The following ITGB5 variants were observed in gnomAD, a reference collection of about 807,000 sequenced individuals.
ITGB5 encodes integrin beta-5.
A neutral mutation model predicts 84.8 loss-of-function variants in ITGB5; 38 were observed. That is an observed-to-expected ratio of 0.45 (90% CI 0.35 to 0.59). The LOEUF (loss-of-function observed/expected upper bound fraction) is 0.59, where lower values mean the gene tolerates loss of function less well. ITGB5 is among the 20% of genes least tolerant of loss of function. ITGB5 has a pLI of 0.01. For missense variants in ITGB5, 905 were observed against 1,034.5 expected (o/e 0.87, Z 1.72); for synonymous variants, 393 against 414.4 (o/e 0.95, Z 0.63).
intron 10 of ITGB5, chr3:124,781,292 C>T (rs2064001926): frequency 6.6e-6 from 1 of 152,226 alleles, no homozygotes; most frequent in African/African-American, 2.4e-5. Flanking sequence ...GGAAATCCCT[C>T]CTAAGAAGCG....
rs768746664 is a variant in ITGB5 at position 124,873,548 on chromosome 3, A to G, written c.71-17T>C. On this transcript the variant is annotated splice_polypyrimidine_tract_variant and intron_variant, in intron 1 of 14. Coordinates refer to ENST00000296181, the MANE Select transcript of ITGB5 (RefSeq NM_002213.5). The stretch of plus-strand genomic sequence containing the variant: ...TGTTGAGACCTTTAAAGCAAGATAA[A>G]GATGCACTAATTAGTTCCTGGCTAT... The G allele has an allele frequency of 1.9e-6, 3 of 1,568,098 alleles. No individual in the cohort carries two copies. The highest frequency in any genetic ancestry group is 8.8e-7 in the Non-Finnish European group (1 of 1,137,968).
intron 1 of ITGB5, among the ~76,000 whole-genome samples, chr3:124,900,344 T>C (rs1448391762): frequency 6.6e-6 from 1 of 152,198 alleles, no homozygotes. Flanking sequence ...TTAAAGGGGT[T>C]AATATGTGTG....
chr3:124,784,792 G>A (rs765423756), intron 10 of ITGB5, among the ~76,000 whole-genome samples: 28 of 152,322 alleles, frequency 1.8e-4, no homozygotes, highest in Non-Finnish European at 4.0e-4. Context: ...AGGCACTTCT[G>A]GGGAAATGCC....
intron 1 of ITGB5, among the ~76,000 whole-genome samples, chr3:124,886,139 G>A (rs916322734): frequency 6.6e-6 from 1 of 152,206 alleles, no homozygotes; most frequent in Non-Finnish European, 1.5e-5. Flanking sequence ...CCACCGCAGC[G>A]TCGGGCTAAG....
In ITGB5 at chr3:124,796,461, A is replaced by G. The variant is rs1803825; in HGVS notation, c.1620T>C (p.Phe540=). 371,092 of 1,613,832 alleles carry G rather than the reference A, an allele frequency of 0.23. 46,785 individuals are homozygous for G. Among genetic ancestry groups the G allele is most frequent in the African/African-American group, 0.43 (32,294 of 74,952 alleles). ...CNQCSCFESE[F]GKIYGPFCEC... ...CACAGAAAGGCCCATAGATCTTGCC[A>G]AACTCGCTCTCGAAGCAGGAGCACT... Residue 540 remains phenylalanine (F), a synonymous_variant, in exon 10 of 15, where the codon TTT becomes TTC. Transcript: ENST00000296181.
chr3:124,773,610 C>A, intron 11 of ITGB5, 80 bp downstream of exon 11: 1 of 1,353,012 alleles, frequency 7.4e-7, no homozygotes, highest in South Asian at 1.3e-5. Flanking sequence ...TGGAGGCTAG[C>A]CGGCCCTGAG....
At chr3:124,858,849 G>A (rs2065255715) in intron 3 of ITGB5, among the ~76,000 whole-genome samples, 1 of 152,230 alleles carries the variant, frequency 6.6e-6, no homozygotes, top group African/African-American at 2.4e-5. Flanking sequence ...AAGGGAAAGA[G>A]AGAATGAGGA....
chr3:124,790,584 A>G (rs113432179), intron 10 of ITGB5, among the ~76,000 whole-genome samples: 4,292 of 152,126 alleles, frequency 0.028, 66 homozygotes, highest in African/African-American at 0.049. Context: ...AATTGCCTTT[A>G]ACTAGACAGG....
Position 124,817,674 on chromosome 3 carries a change from T to C in ITGB5, c.1075A>G (p.Ile359Val), listed in dbSNP as rs1167722894. 1.3e-6 allele frequency: 2 copies of C among 1,592,896 alleles called. No individual in the cohort carries two copies. The highest frequency in any genetic ancestry group is 3.6e-5 in the Admixed American group (2 of 54,938). The change falls in exon 8 of 15, where the codon ATT becomes GTT. Residue 359 changes from isoleucine to valine, a missense_variant. Ile to Val is a conservative substitution (Grantham distance 29). Around this residue, in one of 3 missense-constraint regions of ITGB5, gnomAD observed 656 missense variants for 734.7 expected, o/e 0.89. Coordinates refer to ENST00000296181, the MANE Select transcript of ITGB5 (RefSeq NM_002213.5). ...TALIPGTTVE[I>V]LDGDSKNIIQ... ...ATATTTTTGGAGTCTCCATCTAAAA[T>C]CTCCACCGTTGTTCCAGGTATCAGG...
intron 3 of ITGB5, 101 bp downstream of exon 3, chr3:124,859,141 C>A (rs1384474697): frequency 2.6e-6 from 3 of 1,152,758 alleles, no homozygotes; most frequent in Non-Finnish European, 2.5e-6. Context: ...TGGCTCTGAT[C>A]TCAGCCTGGC....
At chr3:124,881,852 C>T (rs1934583093) in intron 1 of ITGB5, among the ~76,000 whole-genome samples, 1 of 152,118 alleles carries the variant, frequency 6.6e-6, no homozygotes, top group South Asian at 2.1e-4. Context: ...CCTGTAATCC[C>T]AGCTACTCGG....
At chr3:124,792,682 A>G (rs2064165568) in intron 10 of ITGB5, 1 of 152,152 alleles carries the variant, frequency 6.6e-6, no homozygotes. Context: ...GGCATCGTTG[A>G]TCTAGGAGCC....
intron 2 of ITGB5, among the ~76,000 whole-genome samples, chr3:124,872,333 C>T (rs73860432): frequency 0.03 from 4,607 of 152,254 alleles, 233 homozygotes; most frequent in African/African-American, 0.11. Context: ...AGTTATTTTA[C>T]TGCTCTGAGT....
intron 10 of ITGB5, chr3:124,791,174 C>T (rs1233027458): frequency 6.6e-6 from 1 of 152,206 alleles, no homozygotes; most frequent in Non-Finnish European, 1.5e-5. Context: ...TCCTGCTTCT[C>T]ATATTCTATG....
intron 5 of ITGB5, among the ~76,000 whole-genome samples, chr3:124,826,134 G>A (rs2064781959): frequency 6.6e-6 from 1 of 152,178 alleles, no homozygotes; most frequent in Non-Finnish European, 1.5e-5. Context: ...ATGTGGTTGT[G>A]GTTGGGACTG....
chr3:124,809,243 G>A lies in ITGB5; in HGVS notation c.1129-87C>T, dbSNP rs1361882639. ...ACACTGGTTTTCTGAGGCCCACGTG[G>A]CTTCCTCTAACTCAGGAATCCCAAG... On this transcript the variant is annotated intron_variant, in intron 8 of 14. Coordinates refer to ENST00000296181, the MANE Select transcript of ITGB5 (RefSeq NM_002213.5). The A allele has an allele frequency of 3.4e-6, 5 of 1,465,764 alleles. No individual in the cohort carries two copies. In the Admixed American group the frequency reaches 5.4e-5, roughly 16 times the overall value. 90.8% of individuals were successfully genotyped at this position (1,465,764 alleles called of 1,614,324 possible). A position where few individuals can be genotyped will look rare whatever the true frequency, so the allele number is the denominator to read the frequency against.
chr3:124,859,172 T>A, intron 3 of ITGB5, 70 bp downstream of exon 3: 1 of 1,442,282 alleles, frequency 6.9e-7, no homozygotes, highest in Non-Finnish European at 9.6e-7. Flanking sequence ...GTCCCATTAT[T>A]AACAAGTCCC....
In ITGB5 at chr3:124,826,932, C is replaced by T. The variant is rs528474967; in HGVS notation, c.781-5458G>A. Reference sequence around the variant, plus strand: ...GAGTCAGGACATGCTCGTTCATCACCCAGGCTTTCAGGCTTGGAGGCTTTA... The same window carrying T: ...GAGTCAGGACATGCTCGTTCATCACTCAGGCTTTCAGGCTTGGAGGCTTTA... On this transcript the variant is annotated intron_variant, in intron 5 of 14. Coordinates refer to ENST00000296181, the MANE Select transcript of ITGB5 (RefSeq NM_002213.5). Among the ~76,000 whole-genome samples the T allele has an allele frequency of 7.9e-5, 12 of 152,266 alleles. No homozygotes were observed. The East Asian group carries it at 1.5e-3, about 20-fold the overall frequency.
intron 10 of ITGB5, among the ~76,000 whole-genome samples, chr3:124,787,169 G>C (rs535354782): frequency 6.6e-6 from 1 of 152,114 alleles, no homozygotes; most frequent in Non-Finnish European, 1.5e-5. Context: ...TCCTCGCCAC[G>C]GGGTTCTGTT....
Sources: gnomAD v4.1 joint callset for allele counts (sites outside exome capture counted in the v4.1 genomes callset) on GRCh38, gnomAD v4.1.1 for gene constraint, gnomAD v4.1.1 regional missense constraint, MANE v1.5 for transcripts, NCBI Gene and HGNC (gene_info 2026-07-23, HGNC 2026-07-21) for gene names.